HERC3: variants seen among roughly 807,000 people sequenced by gnomAD.
HERC3 encodes the protein HECT and RLD domain containing E3 ubiquitin protein ligase 3.
HERC3 carries 58 observed loss-of-function variants against 129.9 expected under a neutral mutation model. The ratio of observed to expected loss-of-function variants is 0.45; its 90% CI spans 0.36 to 0.56. The LOEUF (loss-of-function observed/expected upper bound fraction) is 0.56, where lower values mean the gene tolerates loss of function less well. HERC3 is among the 20% of genes least tolerant of loss of function. The pLI, the probability that HERC3 is intolerant of heterozygous loss-of-function variation, is 0.00. For missense variants in HERC3, 835 were observed against 1,244.2 expected, an observed-to-expected ratio of 0.67 and a Z score of 4.95; for synonymous variants, 430 against 451.0, an observed-to-expected ratio of 0.95 and a Z score of 0.59.
intron 3 of HERC3, among the ~76,000 whole-genome samples, chr4:88,645,928 A>G (rs1405168866): frequency 1.3e-5 from 2 of 152,222 alleles, no homozygotes; most frequent in Non-Finnish European, 2.9e-5. Context: ...TCGTGTGAAC[A>G]GACGATGAGG....
chr4:88,658,634 A>G (rs1199699721), intron 10 of HERC3, 143 bp downstream of exon 10: 2 of 479,214 alleles, frequency 4.2e-6, no homozygotes, highest in African/African-American at 4.0e-5. Context: ...AGCAAACTAA[A>G]TCTGGAAGAA....
intron 3 of HERC3, among the ~76,000 whole-genome samples, chr4:88,610,843 G>A (rs1424141770): frequency 6.6e-6 from 1 of 152,246 alleles, no homozygotes; most frequent in African/African-American, 2.4e-5. Flanking sequence ...ACAGCCTCCT[G>A]ATGCAGCTCC....
intron 23 of HERC3, chr4:88,692,829 A>G (rs530504224): frequency 8.3e-4 from 761 of 915,176 alleles, no homozygotes; most frequent in Non-Finnish European, 9.5e-4. Context: ...ACTGCGCTCC[A>G]TGGGTACCAG....
At chr4:88,682,471 G>A (rs1189495585) in intron 21 of HERC3, among the ~76,000 whole-genome samples, 1 of 63,420 alleles carries the variant, frequency 1.6e-5, no homozygotes, top group Non-Finnish European at 3.0e-5. Flanking sequence ...ATCCTTCCCC[G>A]ACCCCCCCAC....
the HERC3 span, among the ~76,000 whole-genome samples, chr4:88,538,719 A>G: frequency 1.3e-5 from 2 of 151,500 alleles, no homozygotes; most frequent in Non-Finnish European, 1.5e-5. Context: ...AATTTTTTGT[A>G]TTTTTAGTAG....
At chr4:88,578,879 T>C in the HERC3 span, among the ~76,000 whole-genome samples, 1 of 152,136 alleles carries the variant, frequency 6.6e-6, no homozygotes, top group African/African-American at 2.4e-5. Flanking sequence ...TAGCATGTGA[T>C]AAATGCTAGA....
the HERC3 span, among the ~76,000 whole-genome samples, chr4:88,572,835 T>C: frequency 2.6e-5 from 4 of 151,772 alleles, no homozygotes; most frequent in Non-Finnish European, 4.4e-5. Context: ...TAATAATAAT[T>C]ACAGTCTTTT....
chr4:88,677,341 T>G (rs1383925364), intron 18 of HERC3, among the ~76,000 whole-genome samples: 1 of 152,308 alleles, frequency 6.6e-6, no homozygotes, highest in South Asian at 2.1e-4. Flanking sequence ...TTATAAAGTA[T>G]AATTGATTTT....
intron 3 of HERC3, among the ~76,000 whole-genome samples, chr4:88,639,905 A>G (rs547333144): frequency 6.6e-6 from 1 of 152,288 alleles, no homozygotes; most frequent in Non-Finnish European, 1.5e-5. Flanking sequence ...AAACCCCTTC[A>G]TAAAGTGGGC....
intron 23 of HERC3, among the ~76,000 whole-genome samples, chr4:88,694,751 TTA>T (rs1734423572): frequency 6.6e-6 from 1 of 152,206 alleles, no homozygotes; most frequent in Non-Finnish European, 1.5e-5. Context: ...AAGGCTTATG[TTA>T]TGTTTGTTTT....
rs761285145 is a variant in HERC3, at chr4:88,653,056, T to C, written c.651T>C (p.Asn217=). The change falls in exon 6 of 26, where the codon AAT becomes AAC. Residue 217 remains asparagine, a synonymous_variant. Coordinates refer to ENST00000402738, the MANE Select transcript of HERC3 (RefSeq NM_014606.3). Reference sequence around the variant, plus strand: ...GAGCTGTTTTTGGCTGGGGGATGAATAATGCCGGGCAGCTAGGGCTCAGTG... The same window carrying C: ...GAGCTGTTTTTGGCTGGGGGATGAACAATGCCGGGCAGCTAGGGCTCAGTG... The part of the protein sequence containing the change: ...LSGAVFGWGM[N]NAGQLGLSDE... 2 of 1,614,188 alleles carry C rather than the reference T, an allele frequency of 1.2e-6. No homozygotes were observed. Among genetic ancestry groups the C allele is most frequent in the East Asian group, 2.2e-5 (1 of 44,880 alleles).
chr4:88,676,947 C>G (rs1378303322), intron 18 of HERC3, among the ~76,000 whole-genome samples: 1 of 152,258 alleles, frequency 6.6e-6, no homozygotes, highest in East Asian at 1.9e-4. Flanking sequence ...CAAGACCAGC[C>G]TGGCCAACGT....
intron 5 of HERC3, among the ~76,000 whole-genome samples, chr4:88,652,363 G>A (rs1267534591): frequency 6.6e-6 from 1 of 152,196 alleles, no homozygotes; most frequent in East Asian, 1.9e-4. Context: ...TGAGCATGGA[G>A]GAGATTGATT....
chr4:88,695,156 A>G (rs1734472710), intron 23 of HERC3, among the ~76,000 whole-genome samples: 1 of 152,148 alleles, frequency 6.6e-6, no homozygotes, highest in Non-Finnish European at 1.5e-5. Context: ...AGATAATCAG[A>G]ACTTTGTATG....
At chr4:88,638,803 C>T (rs1043236108) in intron 3 of HERC3, among the ~76,000 whole-genome samples, 4 of 152,120 alleles carry the variant, frequency 2.6e-5, no homozygotes, top group Admixed American at 1.3e-4. Context: ...GTCGAATTGT[C>T]TCTGTTTGCA....
At chr4:88,699,291 A>C (rs985827418) in intron 23 of HERC3, among the ~76,000 whole-genome samples, 2 of 20,062 alleles carry the variant, frequency 1.0e-4, no homozygotes, top group African/African-American at 2.1e-4. Context: ...CTTCTTCCCC[A>C]CCCACCCACC....
the HERC3 span, among the ~76,000 whole-genome samples, chr4:88,534,822 G>A: frequency 6.6e-6 from 1 of 152,108 alleles, no homozygotes; most frequent in Admixed American, 6.5e-5. Flanking sequence ...TAATCAATAG[G>A]TGTTTTACTT....
At chr4:88,621,223 C>T (rs1725483377) in intron 3 of HERC3, among the ~76,000 whole-genome samples, 1 of 152,110 alleles carries the variant, frequency 6.6e-6, no homozygotes, top group Non-Finnish European at 1.5e-5. Context: ...TCTCCTGCCT[C>T]AGCCTCCTGA....
intron 14 of HERC3, chr4:88,668,634 T>C: frequency 6.5e-6 from 1 of 154,298 alleles, no homozygotes; most frequent in East Asian, 1.9e-4. Flanking sequence ...TTCATGGGAG[T>C]AGCACCTGAA....
Sources: gnomAD v4.1 joint callset for allele counts (sites outside exome capture counted in the v4.1 genomes callset) on GRCh38, gnomAD v4.1.1 for gene constraint, MANE v1.5 for transcripts, NCBI Gene and HGNC (gene_info 2026-07-23, HGNC 2026-07-21) for gene names.